Variants in SERGEF observed in about 807,000 individuals in gnomAD.
The protein encoded by SERGEF is secretion regulating guanine nucleotide exchange factor.
A neutral mutation model predicts 50.0 loss-of-function variants in SERGEF; 51 were observed. The ratio of observed to expected loss-of-function variants is 1.02; its 90% confidence interval spans 0.81 to 1.29. The LOEUF is 1.29. Among genes scored for constraint, SERGEF ranks in the 50% most tolerant of loss-of-function variants. The pLI, the probability that SERGEF is intolerant of heterozygous loss-of-function variation, is 0.00. For missense variants in SERGEF, 521 were observed against 557.0 expected (o/e 0.94, Z 0.65); for synonymous variants, 205 against 212.4 (o/e 0.97, Z 0.30).
intron 7 of SERGEF, among the ~76,000 whole-genome samples, chr11:17,992,716 A>G (rs1348739884): frequency 1.3e-5 from 2 of 152,224 alleles, no homozygotes; most frequent in African/African-American, 4.8e-5. Context: ...TATATGTATT[A>G]TATTTAATTC....
chr11:18,010,896 G>C (rs1327882516), intron 1 of SERGEF, among the ~76,000 whole-genome samples: 1 of 152,184 alleles, frequency 6.6e-6, no homozygotes, highest in African/African-American at 2.4e-5. Flanking sequence ...GGTCAGCCCT[G>C]AGATCTCCGT....
chr11:18,013,012 C>A lies in SERGEF; in HGVS notation c.-2G>T, dbSNP rs1451497865. 7.2e-6 allele frequency: 10 copies of A among 1,385,894 alleles called. No homozygotes were observed. The highest frequency in any genetic ancestry group is 8.3e-6 in the Non-Finnish European group (9 of 1,081,030). 85.8% of individuals were successfully genotyped at this position (1,385,894 alleles called of 1,614,324 possible). ...CGAGGCGCTGGGCTCGCGCTCCATG[C>A]GAGGACGCTCCGCCGGCGCTTCCGG... On this transcript the variant is annotated 5_prime_UTR_variant, in exon 1 of 11. Transcript: ENST00000265965. This position sits in a 1 kb window ranked among gnomAD's most constrained non-coding sequence, Gnocchi z 4.3.
intron 8 of SERGEF, among the ~76,000 whole-genome samples, chr11:17,979,300 C>A (rs1344312549): frequency 3.9e-5 from 6 of 152,210 alleles, no homozygotes; most frequent in African/African-American, 7.2e-5. Flanking sequence ...GGCACGTGAA[C>A]AGGCTGAGCA....
intron 9 of SERGEF, among the ~76,000 whole-genome samples, chr11:17,947,092 A>G (rs1250036880): frequency 6.6e-6 from 1 of 152,256 alleles, no homozygotes; most frequent in African/African-American, 2.4e-5. Context: ...CAATACAATC[A>G]AATACTAATA....
At chr11:17,890,490 C>T (rs780024508) in intron 9 of SERGEF, among the ~76,000 whole-genome samples, 11 of 152,088 alleles carry the variant, frequency 7.2e-5, no homozygotes, top group South Asian at 2.1e-4. Flanking sequence ...GTTTTTCTCA[C>T]GTTTTCTCTC....
intron 10 of SERGEF, among the ~76,000 whole-genome samples, chr11:17,839,495 G>A (rs1032978902): frequency 1.1e-4 from 16 of 152,108 alleles, no homozygotes; most frequent in African/African-American, 2.7e-4. Flanking sequence ...TCTCTGTAAC[G>A]AAGACTGAGT....
At chr11:17,959,707 C>T (rs1308346102) in intron 8 of SERGEF, 71 bp from the exon 9 acceptor site, 5 of 1,353,952 alleles carry the variant, frequency 3.7e-6, no homozygotes, top group Non-Finnish European at 5.1e-6. Context: ...CAATGAATTA[C>T]AAGAGAAAGT....
chr11:17,851,016 C>G (rs1850700935), intron 10 of SERGEF, among the ~76,000 whole-genome samples: 1 of 152,174 alleles, frequency 6.6e-6, no homozygotes, highest in Non-Finnish European at 1.5e-5. Context: ...CTTGACTCAG[C>G]CTCGATGTCC....
chr11:17,900,831 C>T (rs766041193), intron 9 of SERGEF, among the ~76,000 whole-genome samples: 1 of 152,106 alleles, frequency 6.6e-6, no homozygotes. Flanking sequence ...CAAAGATAAA[C>T]AAAGACTACT....
intron 10 of SERGEF, among the ~76,000 whole-genome samples, chr11:17,833,482 A>G (rs758608142): frequency 3.1e-4 from 47 of 152,344 alleles, no homozygotes; most frequent in Middle Eastern, 3.4e-3. Context: ...TTCCCCACAC[A>G]GAGTCCCTAC....
Position 18,004,499 on chromosome 11 carries a change from A to G in SERGEF, c.389T>C (p.Phe130Ser). ...GQVLSCGSNS[F>S]GQLGVPHGPR... Reference sequence around the variant, plus strand: ...TCCATGAGGAACTCCTAACTGGCCAAAGGAGTTGGATCCACATGATAGAAC... The same window carrying G: ...TCCATGAGGAACTCCTAACTGGCCAGAGGAGTTGGATCCACATGATAGAAC... Residue 130 changes from phenylalanine to serine, a missense_variant, in exon 4 of 11, where the codon TTT (phenylalanine) becomes TCT (serine). Phe to Ser is a radical substitution (Grantham distance 155). Transcript: ENST00000265965. The G allele has an allele frequency of 6.2e-7, 1 of 1,613,856 alleles. No homozygotes were observed. Among genetic ancestry groups the G allele is most frequent in the Non-Finnish European group, 8.5e-7 (1 of 1,179,854 alleles).
intron 8 of SERGEF, among the ~76,000 whole-genome samples, chr11:17,986,355 C>T (rs1255996949): frequency 6.6e-6 from 1 of 152,174 alleles, no homozygotes; most frequent in African/African-American, 2.4e-5. Context: ...TTCAAACATC[C>T]CAGGTTTAAC....
intron 10 of SERGEF, among the ~76,000 whole-genome samples, chr11:17,849,186 C>T (rs983757232): frequency 1.3e-5 from 2 of 152,138 alleles, no homozygotes; most frequent in Non-Finnish European, 2.9e-5. Context: ...CATGTATGCT[C>T]CCCTACCAAT....
chr11:17,926,587 G>T (rs1445183617), intron 9 of SERGEF, among the ~76,000 whole-genome samples: 1 of 152,166 alleles, frequency 6.6e-6, no homozygotes, highest in Admixed American at 6.5e-5. Flanking sequence ...CCCTGATCTT[G>T]TTCCTTGGTT....
chr11:17,945,872 C>G (rs511604), intron 9 of SERGEF, among the ~76,000 whole-genome samples: 58,374 of 151,854 alleles, frequency 0.38, 11,416 homozygotes, highest in East Asian at 0.49. Context: ...CAGCTACTCA[C>G]GAGGCTGAGG....
At chr11:17,845,761 T>G (rs1258574098) in intron 10 of SERGEF, among the ~76,000 whole-genome samples, 1 of 152,142 alleles carries the variant, frequency 6.6e-6, no homozygotes, top group Non-Finnish European at 1.5e-5. Context: ...GATTGACCAA[T>G]ACAATTCTCT....
At chr11:17,975,305 GC>G (rs1449982183) in intron 8 of SERGEF, among the ~76,000 whole-genome samples, 1 of 152,156 alleles carries the variant, frequency 6.6e-6, no homozygotes, top group African/African-American at 2.4e-5. Flanking sequence ...TGTTTGTAAA[GC>G]CCTGGTAAAA....
intron 9 of SERGEF, among the ~76,000 whole-genome samples, chr11:17,941,747 C>T (rs945114059): frequency 6.6e-6 from 1 of 152,182 alleles, no homozygotes; most frequent in African/African-American, 2.4e-5. Context: ...TACGTTCCCA[C>T]CAATAGTGCA....
At chr11:17,940,312 C>T (rs1013340117) in intron 9 of SERGEF, among the ~76,000 whole-genome samples, 5 of 152,122 alleles carry the variant, frequency 3.3e-5, no homozygotes, top group Admixed American at 6.5e-5. Flanking sequence ...GAGGAAAAGA[C>T]GGTGCATGGT....
Sources: allele counts gnomAD v4.1 joint callset (sites outside exome capture counted in the v4.1 genomes callset), GRCh38; gene constraint gnomAD v4.1.1; non-coding constraint Gnocchi (gnomAD v3.1); transcripts MANE v1.5; gene names NCBI Gene and HGNC (gene_info 2026-07-23, HGNC 2026-07-21).